The following PTPRJ variants were observed in gnomAD, a reference collection of about 807,000 sequenced individuals.
PTPRJ encodes the protein receptor-type tyrosine-protein phosphatase eta.
PTPRJ carries 129 observed loss-of-function variants against 141.3 expected under a neutral mutation model. That is an observed-to-expected ratio of 0.91 (90% CI 0.79 to 1.06). The LOEUF (loss-of-function observed/expected upper bound fraction) is 1.06. Among genes scored for constraint, PTPRJ ranks in the 50% least tolerant of loss-of-function variants. The pLI, the probability that PTPRJ is intolerant of heterozygous loss-of-function variation, is 0.00. For missense variants in PTPRJ, 1,601 were observed against 1,679.7 expected (o/e 0.95, Z 0.82); for synonymous variants, 610 against 640.5 (o/e 0.95, Z 0.72).
chr11:48,159,253 C>A (rs1162317466), intron 21 of PTPRJ, among the ~76,000 whole-genome samples: 2 of 151,944 alleles, frequency 1.3e-5, no homozygotes, highest in Non-Finnish European at 2.9e-5. Context: ...TTATAGAAAT[C>A]AAAGACCCCA....
chr11:48,028,664 AC>A (rs1261037187), intron 1 of PTPRJ, among the ~76,000 whole-genome samples: 2 of 152,112 alleles, frequency 1.3e-5, no homozygotes, highest in Non-Finnish European at 2.9e-5. Flanking sequence ...GGTGGCGGGC[AC>A]CCATAATCCC....
chr11:48,168,520 T>C lies in PTPRJ; in HGVS notation c.*1158T>C, dbSNP rs1457191856. ...TCGTCTCTCTCTGCCGTGACACATA[T>C]CGGAATCTACTGTGTATATATATAT... is the stretch of plus-strand genomic sequence containing the variant. On this transcript the variant is annotated 3_prime_UTR_variant, in exon 25 of 25. Transcript: ENST00000418331. 8.4e-6 allele frequency: 1 copy of C among 119,750 alleles called. No homozygotes were observed. The highest frequency in any genetic ancestry group is 9.3e-5 in the Admixed American group (1 of 10,722). The allele number at this position is 119,750 out of a possible 1,614,324, so 7.4% of individuals were successfully genotyped here.
intron 1 of PTPRJ, among the ~76,000 whole-genome samples, chr11:48,084,514 C>A (rs976871992): frequency 2.6e-5 from 4 of 152,294 alleles, no homozygotes; most frequent in African/African-American, 9.6e-5. Context: ...TGTCCCCAAT[C>A]AGGTTTGATT....
rs188249409 is a variant in PTPRJ at position 48,023,585 on chromosome 11, C to T, written c.96+42577C>T. Among the ~76,000 whole-genome samples, 76 of 152,176 alleles carry T rather than the reference C, an allele frequency of 5.0e-4. 1 individual carries two copies. The highest frequency in any genetic ancestry group is 1.7e-3 in the African/African-American group (70 of 41,528). ...AATCGTGAGGTCAGGAGTTCGAGAC[C>T]ACCCTAGCCAATATGGTGAAACCCC... On this transcript the variant is annotated intron_variant, in intron 1 of 24. Coordinates refer to ENST00000418331, the MANE Select transcript of PTPRJ (RefSeq NM_002843.4).
chr11:48,087,659 A>G (rs1388111943), intron 1 of PTPRJ, among the ~76,000 whole-genome samples: 1 of 152,236 alleles, frequency 6.6e-6, no homozygotes, highest in African/African-American at 2.4e-5. Flanking sequence ...AGAAACCCAT[A>G]GACGATGGTC....
At position 48,156,147 on chromosome 11, in the gene PTPRJ, T is replaced by C. The variant is rs758863634; in HGVS notation, c.3438+28T>C. The C allele has an allele frequency of 4.0e-6, 6 of 1,516,714 alleles. No homozygotes were observed. The African/African-American group carries it at 7.0e-5, about 18-fold the overall frequency. The allele number at this position is 1,516,714 out of a possible 1,614,324, so 94.0% of individuals were successfully genotyped here. ...AAGTATCTTTTTTAGTTTTTAAAAT[T>C]TAAAATTACATTAATTGCTTTTTAT... On this transcript the variant is annotated intron_variant, in intron 21 of 24. Transcript: ENST00000418331.
intron 3 of PTPRJ, among the ~76,000 whole-genome samples, chr11:48,118,725 G>C (rs1856628452): frequency 6.6e-6 from 1 of 152,166 alleles, no homozygotes; most frequent in Non-Finnish European, 1.5e-5. Context: ...AGTAGATGCA[G>C]AAAAAACATT....
chr11:48,114,267 G>A (rs1356782311), intron 3 of PTPRJ, among the ~76,000 whole-genome samples: 6 of 151,658 alleles, frequency 4.0e-5, no homozygotes, highest in Non-Finnish European at 5.9e-5. Flanking sequence ...GCAAAACCCC[G>A]TCTCTGTTAA....
At chr11:48,016,398 C>T (rs1429189154) in intron 1 of PTPRJ, among the ~76,000 whole-genome samples, 5 of 152,226 alleles carry the variant, frequency 3.3e-5, no homozygotes, top group African/African-American at 1.2e-4. Flanking sequence ...TGACTTCACC[C>T]ACCAGGTGAT....
chr11:48,120,898 C>CT, intron 3 of PTPRJ, 105 bp from the exon 4 acceptor site: 3 of 1,078,698 alleles, frequency 2.8e-6, no homozygotes, highest in Non-Finnish European at 3.9e-6. Flanking sequence ...AGATAAAACT[C>CT]TGTGATTGGA....
chr11:48,032,651 C>A (rs552558034), intron 1 of PTPRJ, among the ~76,000 whole-genome samples: 2 of 152,204 alleles, frequency 1.3e-5, no homozygotes, highest in Admixed American at 1.3e-4. Context: ...CCCAGCTACT[C>A]GGGAGGCTGA....
rs1301559264 is a variant in PTPRJ at position 48,121,161 on chromosome 11, T to C, written c.511T>C (p.Cys171Arg). The stretch of plus-strand genomic sequence containing the variant: ...AATTACTGTTGTGCATCAACCATGG[T>C]GTAACATCACAGGCTTACGTCCAGC... ...KTITVVHQPW[C>R]NITGLRPATS... Residue 171 changes from cysteine to arginine, a missense_variant, in exon 4 of 25, where the codon TGT (cysteine) becomes CGT (arginine). By Grantham distance (180) the Cys-to-Arg change is radical. Transcript: ENST00000418331. 6 of 1,614,128 alleles carry C rather than the reference T, an allele frequency of 3.7e-6. No homozygotes were observed. The Admixed American group carries it at 6.7e-5, about 18-fold the overall frequency.
intron 6 of PTPRJ, among the ~76,000 whole-genome samples, chr11:48,126,453 A>G (rs1199451494): frequency 6.6e-6 from 1 of 152,064 alleles, no homozygotes; most frequent in Non-Finnish European, 1.5e-5. Flanking sequence ...ATGGCCATGC[A>G]CTAGATGGCG....
intron 1 of PTPRJ, among the ~76,000 whole-genome samples, chr11:48,053,584 T>C (rs1854665605): frequency 7.1e-6 from 1 of 139,890 alleles, no homozygotes; most frequent in African/African-American, 2.7e-5. Context: ...AAACTATATA[T>C]ATATATTTTT....
chr11:48,065,146 C>G (rs1855051597), intron 1 of PTPRJ, among the ~76,000 whole-genome samples: 1 of 151,292 alleles, frequency 6.6e-6, no homozygotes, highest in Non-Finnish European at 1.5e-5. Flanking sequence ...TCCCGAGTAG[C>G]TGGGACTACA....
intron 7 of PTPRJ, 125 bp downstream of exon 7, chr11:48,128,168 T>C: frequency 1.6e-6 from 2 of 1,231,598 alleles, no homozygotes; most frequent in Non-Finnish European, 1.1e-6. Context: ...TCGTGTGACA[T>C]GCTTTCCTTG....
rs537341037 is a variant in PTPRJ at position 48,016,464 on chromosome 11, A to G, written c.96+35456A>G. On this transcript the variant is annotated intron_variant, in intron 1 of 24. Transcript: ENST00000418331. ...GGCTTGCTGGCATTTCTCAGGCCAG[A>G]CAGTTCCAATGTGAACCCACGGTAC... 5.9e-5 allele frequency among the ~76,000 whole-genome samples: 9 copies of G among 152,368 alleles called. No homozygotes were observed. The East Asian group carries it at 1.7e-3, about 29-fold the overall frequency.
intron 1 of PTPRJ, among the ~76,000 whole-genome samples, chr11:48,001,500 G>C (rs1565251491): frequency 6.6e-6 from 1 of 151,998 alleles, no homozygotes; most frequent in Non-Finnish European, 1.5e-5. Flanking sequence ...TTACTAAGCT[G>C]TGTGATCTTG....
intron 3 of PTPRJ, among the ~76,000 whole-genome samples, chr11:48,119,356 G>A (rs1418882900): frequency 6.6e-6 from 1 of 152,128 alleles, no homozygotes; most frequent in African/African-American, 2.4e-5. Flanking sequence ...ATGCTTCCCT[G>A]CTTGTTCCAT....
Sources: gnomAD v4.1 joint callset for allele counts (sites outside exome capture counted in the v4.1 genomes callset) on GRCh38, gnomAD v4.1.1 for gene constraint, MANE v1.5 for transcripts, NCBI Gene and HGNC (gene_info 2026-07-23, HGNC 2026-07-21) for gene names.